HECW2: variants seen among roughly 807,000 people sequenced by gnomAD.
The protein encoded by HECW2 is E3 ubiquitin-protein ligase HECW2.
HECW2 carries 61 observed loss-of-function variants against 175.2 expected under a neutral mutation model. The ratio of observed to expected loss-of-function variants is 0.35; its 90% confidence interval spans 0.28 to 0.43. The LOEUF (loss-of-function observed/expected upper bound fraction) is 0.43, where lower values mean the gene tolerates loss of function less well. Ranked by LOEUF, HECW2 falls within the 20% of genes least tolerant of loss-of-function variation. The pLI is 1.00. For missense variants in HECW2, 1,524 were observed against 2,000.5 expected (o/e 0.76, Z 4.54); for synonymous variants, 671 against 731.0 (o/e 0.92, Z 1.32).
intron 1 of HECW2, among the ~76,000 whole-genome samples, chr2:196,577,672 C>T (rs79952669): frequency 0.011 from 1,702 of 152,268 alleles, 14 homozygotes; most frequent in Admixed American, 0.018. Flanking sequence ...GAATTGTCAA[C>T]TGTCTTGCTG....
chr2:196,325,297 T>A, intron 5 of HECW2, 148 bp from the exon 6 acceptor site: 1 of 535,094 alleles, frequency 1.9e-6, no homozygotes, highest in East Asian at 3.2e-5. Flanking sequence ...TAATTTGTTC[T>A]TAAATAAACA....
intron 13 of HECW2, among the ~76,000 whole-genome samples, chr2:196,299,820 C>G (rs908376839): frequency 2.0e-5 from 3 of 151,790 alleles, no homozygotes; most frequent in African/African-American, 7.3e-5. Flanking sequence ...TCCCAGCTAC[C>G]CGGGAGGCTG....
chr2:196,232,352 T>C (rs1444197564), intron 21 of HECW2, among the ~76,000 whole-genome samples: 1 of 152,212 alleles, frequency 6.6e-6, no homozygotes, highest in Non-Finnish European at 1.5e-5. Context: ...TGTGCCTGCC[T>C]CCCCTATACA....
At chr2:196,374,258 A>G (rs1476818537) in intron 2 of HECW2, among the ~76,000 whole-genome samples, 1 of 152,180 alleles carries the variant, frequency 6.6e-6, no homozygotes, top group Non-Finnish European at 1.5e-5. Context: ...TCATGAGATA[A>G]TAAGTGGAAA....
chr2:196,371,317 G>A (rs1159600890), intron 2 of HECW2, among the ~76,000 whole-genome samples: 1 of 152,146 alleles, frequency 6.6e-6, no homozygotes, highest in Non-Finnish European at 1.5e-5. Context: ...TACCTGTAAT[G>A]TGTCCCCTAC....
intron 2 of HECW2, among the ~76,000 whole-genome samples, chr2:196,353,783 T>C (rs1366301458): frequency 2.0e-5 from 3 of 152,188 alleles, no homozygotes; most frequent in Non-Finnish European, 4.4e-5. Flanking sequence ...CCTTTTCCAA[T>C]ACTGCCTATG....
chr2:196,468,295 G>A (rs1168572124), intron 1 of HECW2, among the ~76,000 whole-genome samples: 1 of 152,150 alleles, frequency 6.6e-6, no homozygotes, highest in African/African-American at 2.4e-5. Flanking sequence ...GTGCCCAGCT[G>A]GTTGTTCTTT....
intron 14 of HECW2, among the ~76,000 whole-genome samples, chr2:196,284,839 C>T (rs960260270): frequency 7.6e-6 from 1 of 130,982 alleles, no homozygotes; most frequent in South Asian, 2.7e-4. Flanking sequence ...TAGAGTATGT[C>T]GAGAATGCAG....
intron 2 of HECW2, among the ~76,000 whole-genome samples, chr2:196,353,362 C>A (rs1252797050): frequency 2.0e-5 from 3 of 152,210 alleles, no homozygotes; most frequent in Admixed American, 1.3e-4. Flanking sequence ...AATTTCCTAT[C>A]CATAATCCTT....
chr2:196,339,969 C>T (rs372687910), intron 3 of HECW2, among the ~76,000 whole-genome samples: 82 of 152,258 alleles, frequency 5.4e-4, no homozygotes, highest in African/African-American at 1.8e-3. Context: ...GGGGATTTAT[C>T]CAGACAAACT....
chr2:196,244,098 G>A (rs774267345), intron 19 of HECW2, among the ~76,000 whole-genome samples: 3 of 152,234 alleles, frequency 2.0e-5, no homozygotes, highest in Non-Finnish European at 4.4e-5. Flanking sequence ...CATTAAAAAT[G>A]TCTCTAACAA....
intron 1 of HECW2, among the ~76,000 whole-genome samples, chr2:196,590,106 G>T (rs189777923): frequency 5.9e-5 from 9 of 152,072 alleles, no homozygotes; most frequent in African/African-American, 1.9e-4. Context: ...TCGGAAGAGG[G>T]GTGATGAAAA....
chr2:196,445,421 T>C (rs1011343701), intron 1 of HECW2, among the ~76,000 whole-genome samples: 1 of 152,234 alleles, frequency 6.6e-6, no homozygotes, highest in East Asian at 1.9e-4. Flanking sequence ...ATTGGCTTTT[T>C]TTTAAACTTT....
intron 21 of HECW2, among the ~76,000 whole-genome samples, chr2:196,228,616 C>T (rs1453317476): frequency 6.6e-6 from 1 of 152,142 alleles, no homozygotes; most frequent in East Asian, 1.9e-4. Context: ...AAAAAGGGAG[C>T]ACAACGAGAA....
intron 1 of HECW2, among the ~76,000 whole-genome samples, chr2:196,554,603 C>G (rs1689732163): frequency 6.6e-6 from 1 of 152,186 alleles, no homozygotes; most frequent in Non-Finnish European, 1.5e-5. Flanking sequence ...AGAAACTGGG[C>G]TTTGGACACA....
At chr2:196,546,322 G>A (rs973621968) in intron 1 of HECW2, among the ~76,000 whole-genome samples, 4 of 152,158 alleles carry the variant, frequency 2.6e-5, no homozygotes, top group Admixed American at 6.6e-5. Flanking sequence ...TTGTTTACAC[G>A]TCTCCCCTAC....
chr2:196,310,972 T>C (rs905571796), intron 10 of HECW2, among the ~76,000 whole-genome samples: 30 of 152,208 alleles, frequency 2.0e-4, no homozygotes, highest in Admixed American at 1.7e-3. Context: ...TATAAAATTA[T>C]GCCCATTTTA....
chr2:196,337,581 A>G (rs1386954102), intron 3 of HECW2, among the ~76,000 whole-genome samples: 1 of 150,338 alleles, frequency 6.7e-6, no homozygotes, highest in Non-Finnish European at 1.5e-5. Flanking sequence ...AAAAATATAT[A>G]TATATAAAAT....
intron 1 of HECW2, among the ~76,000 whole-genome samples, chr2:196,546,500 G>A (rs913978579): frequency 6.6e-6 from 1 of 152,202 alleles, no homozygotes; most frequent in Admixed American, 6.5e-5. Flanking sequence ...AGGTATTGGA[G>A]AGAAGTCTTA....
Sources: gnomAD v4.1 joint callset for allele counts (sites outside exome capture counted in the v4.1 genomes callset) on GRCh38, gnomAD v4.1.1 for gene constraint, MANE v1.5 for transcripts, NCBI Gene and HGNC (gene_info 2026-07-23, HGNC 2026-07-21) for gene names.